MCM3AP: variants seen among roughly 807,000 people sequenced by gnomAD.
The protein encoded by MCM3AP is minichromosome maintenance complex component 3 associated protein.
In MCM3AP, 126 loss-of-function variants were observed where a neutral mutation model predicts 184.1. The observed-to-expected ratio is 0.68, with a 90% confidence interval of 0.59 to 0.79. The LOEUF (loss-of-function observed/expected upper bound fraction) is 0.79. MCM3AP is among the 30% of genes least tolerant of loss of function. The probability of loss-of-function intolerance (pLI) is 0.00; values close to 1 mark genes in which losing one functional copy is unlikely to be tolerated. For synonymous variants in MCM3AP, 1,002 were observed against 979.3 expected, an observed-to-expected ratio of 1.02 and a Z score of -0.43; for missense variants, 2,496 against 2,479.2, an observed-to-expected ratio of 1.01 and a Z score of -0.14.
At chr21:46,256,479 C>T (rs959142325) in intron 17 of MCM3AP, 2 of 392,858 alleles carry the variant, frequency 5.1e-6, no homozygotes, top group Non-Finnish European at 9.4e-6. Flanking sequence ...ATGGAAGTGG[C>T]AGGTACTTAA....
At position 46,283,652 on chromosome 21, in the gene MCM3AP, C is replaced by A. The variant is rs1260034850; in HGVS notation, c.1406G>T (p.Arg469Leu). Residue 469 changes from arginine to leucine, a missense_variant, in exon 2 of 28, where the codon CGC becomes CTC. This residue lies in a region of MCM3AP where 800 missense variants were observed against 717.1 expected (regional missense o/e 1.12). Transcript: ENST00000291688. ...IAKVQRIFTRRSKKLAVVHFF... is the reference protein window; with the variant it reads ...IAKVQRIFTRLSKKLAVVHFF... ...ATGTACCACTGCAAGCTTTTTGCTG[C>A]GCCTGGTAAAGATGCGCTGCACTTT... 6.2e-7 allele frequency: 1 copy of A among 1,613,818 alleles called. No individual in the cohort carries two copies. Among genetic ancestry groups the A allele is most frequent in the Non-Finnish European group, 8.5e-7 (1 of 1,179,922 alleles).
intron 20 of MCM3AP, 139 bp from the exon 21 acceptor site, chr21:46,247,025 A>T: frequency 2.7e-6 from 2 of 754,638 alleles, no homozygotes; most frequent in Admixed American, 5.0e-5. Flanking sequence ...CCAAGGGCAC[A>T]GCTGGGCATA....
chr21:46,266,667 C>T (rs989296459), intron 10 of MCM3AP: 5 of 335,632 alleles, frequency 1.5e-5, no homozygotes, highest in Admixed American at 4.5e-5. Context: ...AGAGGTTGTC[C>T]GTCATTGGCT....
Position 46,266,023 on chromosome 21 carries a change from G to T in MCM3AP, c.2933C>A (p.Thr978Asn), listed in dbSNP as rs542457408. 8 of 1,612,116 alleles carry T rather than the reference G, an allele frequency of 5.0e-6. No homozygotes were observed. The East Asian group carries it at 1.8e-4, about 36-fold the overall frequency. The change falls in exon 11 of 28, where the codon ACC becomes AAC. Residue 978 changes from threonine (T) to asparagine (N), a missense_variant. Physicochemically the swap from Thr to Asn is moderately conservative, Grantham distance 65. This residue lies in a region of MCM3AP where 1,323 missense variants were observed against 1,273.4 expected (regional missense o/e 1.04). Transcript: ENST00000291688. ...CTGGGAGTTGAAGCTGCACACAGGG[G>T]TATGACGAGGGACGGGGGGCAATGG... ...GGPLPPVPRHTPVCSFNSQNK... is the reference protein window; with the variant it reads ...GGPLPPVPRHNPVCSFNSQNK...
chr21:46,246,205 GAA>G, intron 22 of MCM3AP, 100 bp downstream of exon 22: 1 of 732,168 alleles, frequency 1.4e-6, no homozygotes, highest in South Asian at 1.6e-5. Flanking sequence ...TGTCTCTTAA[GAA>G]AAAGACAATG....
chr21:46,284,065 C>A lies in MCM3AP; in HGVS notation c.1219+3G>T. The A allele has an allele frequency of 6.2e-7, 1 of 1,608,714 alleles. No individual in the cohort carries two copies. Among genetic ancestry groups the A allele is most frequent in the Non-Finnish European group, 8.5e-7 (1 of 1,176,846 alleles). Reference sequence around the variant, plus strand: ...CTCTATGTGCTACATTTTCAGAGCTCACCTTCTTTCTTCTCTCTACTTTCA... The same window carrying A: ...CTCTATGTGCTACATTTTCAGAGCTAACCTTCTTTCTTCTCTCTACTTTCA... On this transcript the variant is annotated splice_donor_region_variant and intron_variant, in intron 1 of 27. Transcript: ENST00000291688.
intron 25 of MCM3AP, 193 bp from the exon 26 acceptor site, chr21:46,241,210 C>T: frequency 1.7e-6 from 1 of 590,574 alleles, no homozygotes; most frequent in South Asian, 2.0e-5. Context: ...GGGAGTGGAG[C>T]AAAGAGGGAA....
At chr21:46,278,990 A>G (rs796292405) in intron 4 of MCM3AP, among the ~76,000 whole-genome samples, 62 of 136,920 alleles carry the variant, frequency 4.5e-4, no homozygotes, top group African/African-American at 1.1e-3. Flanking sequence ...GCTCTTCAGG[A>G]AAAAAAAAAA....
intron 19 of MCM3AP, 35 bp from the exon 20 acceptor site, chr21:46,251,717 C>A (rs1464346754): frequency 2.3e-6 from 3 of 1,324,808 alleles, no homozygotes; most frequent in Non-Finnish European, 3.2e-6. Flanking sequence ...ACAAAAAAAA[C>A]ACTTGAAGAA....
chr21:46,284,806 C>G lies in MCM3AP; in HGVS notation c.481G>C (p.Glu161Gln), dbSNP rs1186871463. The change falls in exon 1 of 28, where the codon GAA becomes CAA. Residue 161 changes from glutamate to glutamine, a missense_variant. Coordinates refer to ENST00000291688, the MANE Select transcript of MCM3AP (RefSeq NM_003906.5). The part of the protein sequence containing the change: ...NAVFKPILGA[E>Q]SEPEKTQSQI... Reference sequence around the variant, plus strand: ...CTCTGGGTTTTCTCTGGCTCAGATTCAGCCCCCAGTATTGGTTTGAACACT... The same window carrying G: ...CTCTGGGTTTTCTCTGGCTCAGATTGAGCCCCCAGTATTGGTTTGAACACT... The G allele has an allele frequency of 6.2e-7, 1 of 1,613,734 alleles. No homozygotes were observed. Among genetic ancestry groups the G allele is most frequent in the East Asian group, 2.2e-5 (1 of 44,872 alleles).
chr21:46,278,286 A>G (rs569419005), intron 4 of MCM3AP, among the ~76,000 whole-genome samples: 1 of 152,342 alleles, frequency 6.6e-6, no homozygotes, highest in South Asian at 2.1e-4. Flanking sequence ...TTAAGCCTAC[A>G]TGTTTTAAAA....
intron 25 of MCM3AP, 52 bp from the exon 26 acceptor site, chr21:46,241,069 G>A: frequency 2.3e-6 from 3 of 1,319,592 alleles, no homozygotes; most frequent in Non-Finnish European, 3.2e-6. Flanking sequence ...TATTTCTACA[G>A]CATCATGTAA....
chr21:46,283,871 C>G (rs372222045), intron 1 of MCM3AP, 33 bp from the exon 2 acceptor site: 37 of 1,586,666 alleles, frequency 2.3e-5, no homozygotes, highest in Non-Finnish European at 3.0e-5. Context: ...CTTAAACCAT[C>G]AGATGTTTCC....
At chr21:46,266,951 G>C (rs779997441) in intron 10 of MCM3AP, 31 bp downstream of exon 10, 25 of 1,611,320 alleles carry the variant, frequency 1.6e-5, no homozygotes, top group Non-Finnish European at 2.1e-5. Context: ...AAAGGAGACA[G>C]GGGCCCCACA....
At chr21:46,248,245 T>TC (rs979144151) in intron 20 of MCM3AP, among the ~76,000 whole-genome samples, 2 of 151,842 alleles carry the variant, frequency 1.3e-5, no homozygotes, top group Non-Finnish European at 2.9e-5. Flanking sequence ...GCAAAACCAG[T>TC]CCCCCTGGGC....
chr21:46,270,307 ACCT>A, intron 9 of MCM3AP, 91 bp downstream of exon 9: 1 of 1,235,306 alleles, frequency 8.1e-7, no homozygotes, highest in Admixed American at 2.2e-5. Context: ...TCAGCCTGAG[ACCT>A]CCTTTGAAAA....
In MCM3AP at chr21:46,241,092, C is replaced by T. The variant is rs916467386; in HGVS notation, c.5427-75G>A. 1.1e-5 allele frequency: 12 copies of T among 1,077,212 alleles called. No individual in the cohort carries two copies. In the Admixed American group the frequency reaches 1.4e-4, roughly 13 times the overall value. The allele number at this position is 1,077,212 out of a possible 1,614,324, so 66.7% of individuals were successfully genotyped here. ...CAGCATCATGTAAAGCATGTAGATACATTTGCACATGTGCATTAACATGTA... is the reference window on the plus strand; with the variant it reads ...CAGCATCATGTAAAGCATGTAGATATATTTGCACATGTGCATTAACATGTA... On this transcript the variant is annotated intron_variant, in intron 25 of 27. Coordinates refer to ENST00000291688, the MANE Select transcript of MCM3AP (RefSeq NM_003906.5).
Position 46,251,531 on chromosome 21 carries a change from T to G in MCM3AP, c.4288A>C (p.Lys1430Gln). The G allele has an allele frequency of 6.2e-7, 1 of 1,603,792 alleles. No homozygotes were observed. Among genetic ancestry groups the G allele is most frequent in the Non-Finnish European group, 8.5e-7 (1 of 1,171,854 alleles). The change falls in exon 20 of 28, where the codon AAG (lysine) becomes CAG (glutamine). Residue 1430 changes from lysine (K) to glutamine (Q), a missense_variant and splice_region_variant. This residue lies in a region of MCM3AP where 1,323 missense variants were observed against 1,273.4 expected (regional missense o/e 1.04). Transcript: ENST00000291688. ...DQMISVNVCI[K>Q]VAHGALSDGA... is the part of the protein sequence containing the mutation. ...AACACAAAGTAATTATAGTTCACCT[T>G]TATACACACGTTAACAGAAATCATC...
At position 46,273,377 on chromosome 21, in the gene MCM3AP, G is replaced by A. The variant is rs778793005; in HGVS notation, c.2196+11C>T. 1.9e-6 allele frequency: 3 copies of A among 1,611,258 alleles called. No homozygotes were observed. Among genetic ancestry groups the A allele is most frequent in the South Asian group, 2.2e-5 (2 of 90,912 alleles). ...GGATTTTTTAGCATCCAGGTTGGAGGCAGCCAATACCTTCCGTATGCCACG... is the reference window on the plus strand; with the variant it reads ...GGATTTTTTAGCATCCAGGTTGGAGACAGCCAATACCTTCCGTATGCCACG... On this transcript the variant is annotated intron_variant, in intron 7 of 27. Coordinates refer to ENST00000291688, the MANE Select transcript of MCM3AP (RefSeq NM_003906.5).
Sources: gnomAD v4.1 joint callset for allele counts (sites outside exome capture counted in the v4.1 genomes callset) on GRCh38, gnomAD v4.1.1 for gene constraint, gnomAD v4.1.1 regional missense constraint, MANE v1.5 for transcripts, NCBI Gene and HGNC (gene_info 2026-07-23, HGNC 2026-07-21) for gene names.